The following SKAP2 variants were observed in gnomAD, a reference collection of about 807,000 sequenced individuals.
SKAP2 encodes src kinase associated phosphoprotein 2.
SKAP2 carries 28 observed loss-of-function variants against 54.9 expected under a neutral mutation model. The observed-to-expected ratio is 0.51, with a 90% CI of 0.38 to 0.70. The LOEUF (loss-of-function observed/expected upper bound fraction) is 0.70. SKAP2 is among the 30% of genes least tolerant of loss of function. The pLI is 0.00. For missense variants in SKAP2, 356 were observed against 424.1 expected, an observed-to-expected ratio of 0.84 and a Z score of 1.41; for synonymous variants, 137 against 134.3, an observed-to-expected ratio of 1.02 and a Z score of -0.14.
intron 10 of SKAP2, 106 bp from the exon 11 acceptor site, chr7:26,684,954 T>C: frequency 1.5e-6 from 1 of 646,376 alleles, no homozygotes; most frequent in South Asian, 2.0e-5. Flanking sequence ...ACTAAAATAG[T>C]CTAAAAAAAT....
chr7:26,656,862 CA>C, the SKAP2 span, among the ~76,000 whole-genome samples: 11 of 151,986 alleles, frequency 7.2e-5, no homozygotes, highest in African/African-American at 1.9e-4. Context: ...AGACCTTCTA[CA>C]AAAGCAAGCA....
chr7:26,801,592 T>C (rs758424233), intron 4 of SKAP2, among the ~76,000 whole-genome samples: 2 of 152,118 alleles, frequency 1.3e-5, no homozygotes, highest in Non-Finnish European at 2.9e-5. Flanking sequence ...TAATATGATC[T>C]TATATTTGGA....
intron 4 of SKAP2, among the ~76,000 whole-genome samples, chr7:26,801,125 G>T (rs1327234209): frequency 1.3e-5 from 2 of 152,142 alleles, no homozygotes; most frequent in East Asian, 3.8e-4. Flanking sequence ...CAAGCAATCT[G>T]AATTCAACAA....
At chr7:26,792,218 C>T (rs559377027) in intron 4 of SKAP2, among the ~76,000 whole-genome samples, 1 of 152,234 alleles carries the variant, frequency 6.6e-6, no homozygotes, top group South Asian at 2.1e-4. Flanking sequence ...CAAAGGAGCA[C>T]AAGGGAACTT....
At chr7:26,725,336 C>G in intron 9 of SKAP2, 92 bp downstream of exon 9, 1 of 877,420 alleles carries the variant, frequency 1.1e-6, no homozygotes, top group Non-Finnish European at 1.7e-6. Context: ...CTCAAGCTGT[C>G]GAGGACAAAT....
the SKAP2 span, among the ~76,000 whole-genome samples, chr7:26,660,903 A>C: frequency 2.6e-5 from 4 of 152,074 alleles, no homozygotes; most frequent in African/African-American, 9.7e-5. Flanking sequence ...CCATGACATC[A>C]TCCGATGTTA....
intron 9 of SKAP2, among the ~76,000 whole-genome samples, chr7:26,713,730 G>C (rs1254518552): frequency 6.6e-6 from 1 of 151,864 alleles, no homozygotes; most frequent in African/African-American, 2.4e-5. Flanking sequence ...CTCCCGAGTA[G>C]CTGGGACTAC....
At chr7:26,824,197 C>T (rs1261209742) in intron 4 of SKAP2, among the ~76,000 whole-genome samples, 1 of 152,094 alleles carries the variant, frequency 6.6e-6, no homozygotes, top group Non-Finnish European at 1.5e-5. Flanking sequence ...ACGAGACCCT[C>T]GACCAGCAAA....
At chr7:26,769,138 G>A (rs1783126447) in intron 4 of SKAP2, among the ~76,000 whole-genome samples, 1 of 152,098 alleles carries the variant, frequency 6.6e-6, no homozygotes, top group Non-Finnish European at 1.5e-5. Flanking sequence ...CATATTTCTT[G>A]GAGGCTTTGT....
chr7:26,776,923 C>T (rs1584383781), intron 4 of SKAP2, among the ~76,000 whole-genome samples: 1 of 152,160 alleles, frequency 6.6e-6, no homozygotes, highest in African/African-American at 2.4e-5. Context: ...GGCACATCTA[C>T]ATCCTGTGCT....
At chr7:26,713,893 C>G (rs1172154824) in intron 9 of SKAP2, among the ~76,000 whole-genome samples, 2 of 152,096 alleles carry the variant, frequency 1.3e-5, no homozygotes, top group Non-Finnish European at 2.9e-5. Context: ...GCCATCGCGC[C>G]CGACCTAAGA....
intron 4 of SKAP2, among the ~76,000 whole-genome samples, chr7:26,776,163 T>C (rs1255485495): frequency 2.0e-5 from 3 of 152,174 alleles, no homozygotes; most frequent in South Asian, 4.1e-4. Flanking sequence ...GGTCGTTTTA[T>C]ACAGTTTTTC....
intron 4 of SKAP2, among the ~76,000 whole-genome samples, chr7:26,748,470 G>A (rs918802848): frequency 1.3e-5 from 2 of 151,942 alleles, no homozygotes; most frequent in Non-Finnish European, 2.9e-5. Context: ...CACCCTCTGT[G>A]TTTTTCTATT....
intron 10 of SKAP2, among the ~76,000 whole-genome samples, chr7:26,685,253 T>C (rs1391084107): frequency 6.6e-6 from 1 of 151,986 alleles, no homozygotes; most frequent in Non-Finnish European, 1.5e-5. Flanking sequence ...CTTTGTGAAA[T>C]AACCATCTCA....
At chr7:26,683,937 A>G (rs1445528482) in intron 11 of SKAP2, among the ~76,000 whole-genome samples, 2 of 152,146 alleles carry the variant, frequency 1.3e-5, no homozygotes, top group Non-Finnish European at 2.9e-5. Flanking sequence ...TTCCTACATC[A>G]TTTGTTTCTA....
Position 26,726,888 on chromosome 7 carries a change from TATA to T in SKAP2, c.585_587del (p.Ile196del). On this transcript the variant is annotated inframe_deletion, in exon 7 of 13. Coordinates refer to ENST00000345317, the MANE Select transcript of SKAP2 (RefSeq NM_003930.5). The stretch of plus-strand genomic sequence containing the variant: ...GCAACATAAAAACTACAACCTGATA[TATA>T]CGTTTATCAGGAGCAGAGATTTCAA... The T allele has an allele frequency of 6.2e-7, 1 of 1,606,398 alleles. No homozygotes were observed. Among genetic ancestry groups the T allele is most frequent in the South Asian group, 1.1e-5 (1 of 89,540 alleles).
At chr7:26,795,837 G>C (rs1321679961) in intron 4 of SKAP2, among the ~76,000 whole-genome samples, 3 of 152,174 alleles carry the variant, frequency 2.0e-5, no homozygotes, top group African/African-American at 7.2e-5. Flanking sequence ...GGGTTATTTA[G>C]GAATGGCTCC....
intron 4 of SKAP2, among the ~76,000 whole-genome samples, chr7:26,782,800 C>T (rs1364875305): frequency 6.6e-6 from 1 of 152,212 alleles, no homozygotes; most frequent in Non-Finnish European, 1.5e-5. Flanking sequence ...GCTGCCTGCT[C>T]TTCCACCATG....
intron 4 of SKAP2, among the ~76,000 whole-genome samples, chr7:26,741,539 T>C (rs1422787715): frequency 2.8e-5 from 1 of 35,450 alleles, no homozygotes; most frequent in African/African-American, 4.1e-4. Context: ...ACCCTGTCTC[T>C]AAATAAATAA....
Sources: allele counts gnomAD v4.1 joint callset (sites outside exome capture counted in the v4.1 genomes callset), GRCh38; gene constraint gnomAD v4.1.1; transcripts MANE v1.5; gene names NCBI Gene and HGNC (gene_info 2026-07-23, HGNC 2026-07-21).